TJP1: variants seen among roughly 807,000 people sequenced by gnomAD.
TJP1 encodes the protein tight junction protein 1, also known as tight junction protein ZO-1.
In TJP1, 43 loss-of-function variants were observed where a neutral mutation model predicts 194.2. The observed-to-expected ratio is 0.22, with a 90% CI of 0.17 to 0.29. The LOEUF is 0.29. TJP1 is among the 10% of genes least tolerant of loss of function. The pLI is 1.00. For synonymous variants in TJP1, 801 were observed against 779.0 expected, an observed-to-expected ratio of 1.03 and a Z score of -0.47; for missense variants, 1,971 against 2,185.7, an observed-to-expected ratio of 0.90 and a Z score of 1.96.
Position 29,719,016 on chromosome 15 carries a change from T to C in TJP1, c.3126A>G (p.Gln1042=). The C allele has an allele frequency of 6.2e-7, 1 of 1,613,988 alleles. No individual in the cohort carries two copies. The change falls in exon 21 of 28, where the codon CAA becomes CAG. Residue 1042 remains glutamine, a synonymous_variant. Transcript: ENST00000614355. ...DKEPNLTYEP[Q]LPYVEKQASR... ...TGGCTTGTTTCTCTACGTATGGGAG[T>C]TGGGGTTCATAGGTCAGATTAGGCT...
intron 8 of TJP1, among the ~76,000 whole-genome samples, chr15:29,748,361 A>G (rs2044955319): frequency 6.6e-6 from 1 of 152,218 alleles, no homozygotes; most frequent in Non-Finnish European, 1.5e-5. Context: ...ATGGTGTTGG[A>G]CTATGCAGAT....
At chr15:29,929,327 A>C (rs1479807414) in intron 2 of TJP1, among the ~76,000 whole-genome samples, 1 of 152,236 alleles carries the variant, frequency 6.6e-6, no homozygotes, top group Non-Finnish European at 1.5e-5. Context: ...GATTCAGCTA[A>C]ACCACTACTT....
Position 29,800,640 on chromosome 15 carries a change from A to C in TJP1, c.84+6T>G. The C allele has an allele frequency of 6.2e-7, 1 of 1,613,792 alleles. No homozygotes were observed. Among genetic ancestry groups the C allele is most frequent in the Non-Finnish European group, 8.5e-7 (1 of 1,179,862 alleles). ...ACACAGATTACTTACTGCAACACAA[A>C]CTTACCCTGTGAAGCGTCACTGTAT... On this transcript the variant is annotated splice_donor_region_variant and intron_variant, in intron 2 of 27. Transcript: ENST00000614355.
chr15:29,968,942 GCCGCCGTCGCCGTGCGTGCCCGGCCGCTC>G (rs2056426508), upstream of TJP1: 1 of 170,632 alleles, frequency 5.9e-6, no homozygotes, highest in Admixed American at 6.8e-5. Context: ...CGCTCCCGCC[GCCGCCGTCGCCGTGCGTGCCCGGCCGCTC>G]CCGCCGCCGC....
At chr15:29,894,573 A>G (rs2053418121) in intron 2 of TJP1, among the ~76,000 whole-genome samples, 1 of 152,240 alleles carries the variant, frequency 6.6e-6, no homozygotes, top group African/African-American at 2.4e-5. Flanking sequence ...GGCTCTGGGC[A>G]GCCAAACCCC....
intron 15 of TJP1, chr15:29,732,208 T>A: frequency 1.8e-6 from 1 of 544,980 alleles, no homozygotes; most frequent in South Asian, 2.4e-5. Flanking sequence ...TATGCAATTT[T>A]CATATGAAGC....
Position 29,773,395 on chromosome 15 carries a change from A to C in TJP1, c.85-38T>G. On this transcript the variant is annotated intron_variant, in intron 2 of 27. Transcript: ENST00000614355. ...TTACAGTAAAATATTGCTATTAAGG[A>C]CAAAAATAATTGTTATATCATACTC... The C allele has an allele frequency of 6.2e-6, 10 of 1,601,640 alleles. 1 individual carries two copies. Among genetic ancestry groups the C allele is most frequent in the Non-Finnish European group, 8.5e-6 (10 of 1,170,222 alleles).
At position 29,732,920 on chromosome 15, in the gene TJP1, A is replaced by T; in HGVS notation, c.1737-105T>A. ...CAATACTGGATGGAAGTTCACATACAGTTTAAATCTTAATGGTTATAATAA... is the reference window on the plus strand; with the variant it reads ...CAATACTGGATGGAAGTTCACATACTGTTTAAATCTTAATGGTTATAATAA... On this transcript the variant is annotated intron_variant, in intron 13 of 27. Transcript: ENST00000614355. 6 of 1,280,380 alleles carry T rather than the reference A, an allele frequency of 4.7e-6. No homozygotes were observed. In the South Asian group the frequency reaches 9.3e-5, roughly 20 times the overall value. The allele number at this position is 1,280,380 out of a possible 1,614,324, so 79.3% of individuals were successfully genotyped here.
At chr15:29,773,170 G>T in intron 3 of TJP1, 63 bp downstream of exon 3, 1 of 1,590,814 alleles carries the variant, frequency 6.3e-7, no homozygotes, top group Non-Finnish European at 8.6e-7. Context: ...AAGACAGTAC[G>T]CCAGTGCCTG....
chr15:29,900,777 T>G (rs1322934745), intron 2 of TJP1, among the ~76,000 whole-genome samples: 1 of 152,226 alleles, frequency 6.6e-6, no homozygotes, highest in Non-Finnish European at 1.5e-5. Flanking sequence ...GAATTTCTAC[T>G]TTGTGCTTTG....
At chr15:29,823,252 C>T (rs895962855), upstream of TJP1, 3 of 152,222 alleles carry the variant, frequency 2.0e-5, no homozygotes, top group African/African-American at 7.2e-5. Flanking sequence ...TGCTGTCCCT[C>T]CAACTCAAAG....
At chr15:29,938,589 C>T (rs2054960461) in intron 2 of TJP1, among the ~76,000 whole-genome samples, 1 of 152,158 alleles carries the variant, frequency 6.6e-6, no homozygotes, top group Admixed American at 6.6e-5. Flanking sequence ...CGACTACCAC[C>T]CCCCAGTTAT....
At chr15:29,959,846 T>C (rs1332309266) in intron 1 of TJP1, among the ~76,000 whole-genome samples, 2 of 152,226 alleles carry the variant, frequency 1.3e-5, no homozygotes, top group Non-Finnish European at 2.9e-5. Flanking sequence ...AAGTAAAATT[T>C]TACTGATGCC....
chr15:29,765,571 T>A (rs1395170114), intron 5 of TJP1, among the ~76,000 whole-genome samples: 3 of 151,784 alleles, frequency 2.0e-5, no homozygotes, highest in Admixed American at 6.6e-5. Context: ...TTCCTCCATT[T>A]AAAAAAAACA....
Position 29,716,843 on chromosome 15 carries a change from CAG to C in TJP1, c.3975-7_3975-6del. ...GGTTTTTGAGGTTCTGGGATCCTAA[CAG>C]ATAATGAATGACAAACGGAACACCT... is the stretch of plus-strand genomic sequence containing the variant. On this transcript the variant is annotated splice_polypyrimidine_tract_variant and splice_region_variant and intron_variant, in intron 22 of 27. Transcript: ENST00000614355. 3 of 1,589,262 alleles carry C rather than the reference CAG, an allele frequency of 1.9e-6. No homozygotes were observed. Among genetic ancestry groups the C allele is most frequent in the Non-Finnish European group, 2.6e-6 (3 of 1,161,398 alleles).
exon 2 of TJP1, chr15:29,956,342 G>C (rs1341514667): frequency 7.8e-7 from 1 of 1,288,782 alleles, no homozygotes; most frequent in Admixed American, 2.3e-5. Flanking sequence ...GCACCATTAG[G>C]ATTTTCAGAG....
intron 2 of TJP1, among the ~76,000 whole-genome samples, chr15:29,836,637 C>T (rs2051041947): frequency 2.0e-5 from 3 of 152,138 alleles, no homozygotes; most frequent in South Asian, 2.1e-4. Context: ...AACAACATAA[C>T]ATTGCTATGG....
Position 29,720,273 on chromosome 15 carries a change from A to T in TJP1, c.2763+85T>A, listed in dbSNP as rs556717981. ...TAATTCTTAATCTGGAGAAAGGACA[A>T]CATATATATTTTTAACTCAATCACC... is the stretch of plus-strand genomic sequence containing the variant. On this transcript the variant is annotated intron_variant, in intron 19 of 27. Coordinates refer to ENST00000614355, the MANE Select transcript of TJP1 (RefSeq NM_001330239.4). The T allele has an allele frequency of 3.7e-4, 455 of 1,229,886 alleles. 3 individuals are homozygous for T. In the South Asian group the frequency reaches 6.5e-3, roughly 18 times the overall value. The allele number at this position is 1,229,886 out of a possible 1,614,324, so 76.2% of individuals were successfully genotyped here.
Position 29,949,538 on chromosome 15 carries a change from A to T in TJP1, c.306+6694T>A, listed in dbSNP as rs1220805057. Among the ~76,000 whole-genome samples the T allele has an allele frequency of 1.7e-3, 166 of 96,424 alleles. 4 individuals carry two copies. The highest frequency in any genetic ancestry group is 6.0e-3 in the African/African-American group (151 of 25,168). The allele number at this position is 96,424 out of a possible 152,430, so 63.3% of individuals were successfully genotyped here. ...CACCTCCACCACCACCACCTCCACC[A>T]CCACCACCTCCACAACCACCACCTC... On this transcript the variant is annotated intron_variant, in intron 2 of 28. Transcript: ENST00000356107.
Sources: allele counts gnomAD v4.1 joint callset (sites outside exome capture counted in the v4.1 genomes callset), GRCh38; gene constraint gnomAD v4.1.1; transcripts MANE v1.5; gene names NCBI Gene and HGNC (gene_info 2026-07-23, HGNC 2026-07-21).